RALGAPA2: variants seen among roughly 807,000 people sequenced by gnomAD.
RALGAPA2 encodes Ral GTPase activating protein catalytic subunit alpha 2, also known as ral GTPase-activating protein subunit alpha-2.
In RALGAPA2, 139 loss-of-function variants were observed where a neutral mutation model predicts 230.4. The observed-to-expected ratio is 0.60, with a 90% CI of 0.53 to 0.69. The LOEUF (loss-of-function observed/expected upper bound fraction) is 0.69, where lower values mean the gene tolerates loss of function less well. Ranked by LOEUF, RALGAPA2 falls within the 30% of genes least tolerant of loss-of-function variation. RALGAPA2 has a pLI of 0.00. For missense variants in RALGAPA2, 2,163 were observed against 2,276.0 expected (o/e 0.95, Z 1.01); for synonymous variants, 847 against 837.8 (o/e 1.01, Z -0.19).
At chr20:20,477,306 T>C (rs2061674877) in intron 36 of RALGAPA2, among the ~76,000 whole-genome samples, 1 of 152,126 alleles carries the variant, frequency 6.6e-6, no homozygotes, top group African/African-American at 2.4e-5. Context: ...AAACATAAAA[T>C]ACTCTACCCA....
rs181690048 is a variant in RALGAPA2, at chr20:20,467,046, A to G, written c.5495+5783T>C. 1.8e-3 allele frequency among the ~76,000 whole-genome samples: 268 copies of G among 152,322 alleles called. 2 individuals are homozygous for G. The highest frequency in any genetic ancestry group is 0.017 in the Middle Eastern group (5 of 294). ...AGTTACTGAAAAAACTGCTGACTGG[A>G]AGACGGGTTAACAGCAAAGCTGTGG... On this transcript the variant is annotated intron_variant, in intron 37 of 39. Transcript: ENST00000202677.
chr20:20,592,639 A>C (rs952485750), intron 16 of RALGAPA2, among the ~76,000 whole-genome samples: 4 of 152,102 alleles, frequency 2.6e-5, no homozygotes, highest in Admixed American at 1.3e-4. Context: ...GATAATCAAA[A>C]CTCAGCCTGT....
At chr20:20,633,551 G>A (rs940434726) in intron 9 of RALGAPA2, among the ~76,000 whole-genome samples, 14 of 152,080 alleles carry the variant, frequency 9.2e-5, no homozygotes, top group East Asian at 1.9e-4. Context: ...GCAGTGGCGC[G>A]ATCTCCGCTC....
chr20:20,403,272 C>T (rs2059885348), intron 38 of RALGAPA2, among the ~76,000 whole-genome samples: 1 of 152,162 alleles, frequency 6.6e-6, no homozygotes, highest in Admixed American at 6.5e-5. Flanking sequence ...CTGGCATATT[C>T]AGTGTTTGGT....
rs575104900 is a variant in RALGAPA2 at position 20,533,046 on chromosome 20, GAAGA to G, written c.3474-1255_3474-1252del. On this transcript the variant is annotated intron_variant, in intron 26 of 39. Transcript: ENST00000202677. ...ATGGAAAAAAAATCCAAAAAAAAAA[GAAGA>G]AAGAAAGAAAGAAAAATGGGATGGG... Among the ~76,000 whole-genome samples the G allele has an allele frequency of 1.6e-4, 24 of 150,132 alleles. 1 individual carries two copies. The East Asian group carries it at 4.1e-3, about 26-fold the overall frequency.
chr20:20,413,155 A>G (rs1218983062), intron 37 of RALGAPA2, among the ~76,000 whole-genome samples: 2 of 152,242 alleles, frequency 1.3e-5, no homozygotes, highest in Admixed American at 6.5e-5. Flanking sequence ...CCGGGAACAC[A>G]GGGAATGCGG....
At chr20:20,638,901 C>T (rs1037869523) in intron 7 of RALGAPA2, among the ~76,000 whole-genome samples, 1 of 152,140 alleles carries the variant, frequency 6.6e-6, no homozygotes, top group African/African-American at 2.4e-5. Flanking sequence ...GAGAAAAGCA[C>T]AGTTCCCTAA....
At chr20:20,433,035 G>C (rs893148830) in intron 37 of RALGAPA2, among the ~76,000 whole-genome samples, 7 of 152,232 alleles carry the variant, frequency 4.6e-5, no homozygotes, top group African/African-American at 1.7e-4. Context: ...TTTTAAGAAT[G>C]ACTATGCAAA....
chr20:20,479,208 C>T (rs987991213), intron 36 of RALGAPA2, among the ~76,000 whole-genome samples: 8 of 152,060 alleles, frequency 5.3e-5, no homozygotes, highest in Admixed American at 2.0e-4. Flanking sequence ...ATAAAATCTT[C>T]GAATAACCAT....
At chr20:20,707,205 A>T (rs1568782222) in intron 1 of RALGAPA2, among the ~76,000 whole-genome samples, 1 of 152,204 alleles carries the variant, frequency 6.6e-6, no homozygotes, top group Non-Finnish European at 1.5e-5. Context: ...TGGTAGTCAG[A>T]CTACAGTGAA....
chr20:20,704,364 A>T (rs936841142), intron 1 of RALGAPA2, among the ~76,000 whole-genome samples: 2 of 152,140 alleles, frequency 1.3e-5, no homozygotes, highest in African/African-American at 4.8e-5. Context: ...GTTCTAAAAA[A>T]ATATAAAAGT....
At chr20:20,493,897 A>C (rs2062132194) in intron 36 of RALGAPA2, among the ~76,000 whole-genome samples, 1 of 152,214 alleles carries the variant, frequency 6.6e-6, no homozygotes, top group Admixed American at 6.5e-5. Context: ...GCGTTCCCTC[A>C]ATAGAAAAGA....
At chr20:20,403,608 C>T (rs958678355) in intron 38 of RALGAPA2, among the ~76,000 whole-genome samples, 3 of 152,136 alleles carry the variant, frequency 2.0e-5, no homozygotes, top group Admixed American at 6.5e-5. Flanking sequence ...CACCCTGGTC[C>T]GGAGCGCCCA....
intron 35 of RALGAPA2, among the ~76,000 whole-genome samples, chr20:20,496,708 CATAA>C (rs1320343031): frequency 6.6e-6 from 1 of 152,146 alleles, no homozygotes; most frequent in Non-Finnish European, 1.5e-5. Flanking sequence ...AACGTGTTAG[CATAA>C]ATACAGTTTT....
At chr20:20,445,385 T>C in intron 37 of RALGAPA2, among the ~76,000 whole-genome samples, 1 of 152,204 alleles carries the variant, frequency 6.6e-6, no homozygotes, top group Non-Finnish European at 1.5e-5. Context: ...AATATATTGG[T>C]CAGATGTTGG....
At chr20:20,591,342 T>C in intron 16 of RALGAPA2, 28 bp from the exon 17 acceptor site, 14 of 1,598,854 alleles carry the variant, frequency 8.8e-6, no homozygotes, top group Non-Finnish European at 1.2e-5. Flanking sequence ...ACATGCAAAG[T>C]TACAGTTCAA....
At chr20:20,607,720 T>C (rs537942010) in intron 14 of RALGAPA2, among the ~76,000 whole-genome samples, 2 of 152,368 alleles carry the variant, frequency 1.3e-5, no homozygotes, top group East Asian at 3.9e-4. Context: ...GCAGATGTCT[T>C]GGTGTAATGA....
At chr20:20,481,534 A>G (rs1009897375) in intron 36 of RALGAPA2, among the ~76,000 whole-genome samples, 1 of 152,240 alleles carries the variant, frequency 6.6e-6, no homozygotes, top group African/African-American at 2.4e-5. Context: ...TGTTCATAAC[A>G]ATGATATGGC....
At chr20:20,449,718 T>G (rs1476142456) in intron 37 of RALGAPA2, among the ~76,000 whole-genome samples, 2 of 152,250 alleles carry the variant, frequency 1.3e-5, no homozygotes, top group African/African-American at 4.8e-5. Context: ...AGATATCTTT[T>G]GAACTCATGG....
Sources: gnomAD v4.1 joint callset for allele counts (sites outside exome capture counted in the v4.1 genomes callset) on GRCh38, gnomAD v4.1.1 for gene constraint, MANE v1.5 for transcripts, NCBI Gene and HGNC (gene_info 2026-07-23, HGNC 2026-07-21) for gene names.